Variants in COL24A1 observed in about 807,000 individuals in gnomAD.
COL24A1 encodes the protein collagen type XXIV alpha 1 chain, also known as collagen alpha-1(XXIV) chain.
COL24A1 carries 224 observed loss-of-function variants against 253.9 expected under a neutral mutation model. The ratio of observed to expected loss-of-function variants is 0.88; its 90% CI spans 0.79 to 0.99. The LOEUF (loss-of-function observed/expected upper bound fraction) is 0.99. Among genes scored for constraint, COL24A1 ranks in the 50% least tolerant of loss-of-function variants. COL24A1 has a pLI of 0.00. For synonymous variants in COL24A1, 685 were observed against 673.7 expected, an observed-to-expected ratio of 1.02 and a Z score of -0.26; for missense variants, 2,131 against 2,068.5, an observed-to-expected ratio of 1.03 and a Z score of -0.59.
At chr1:85,910,638 A>C (rs1571184387) in intron 25 of COL24A1, among the ~76,000 whole-genome samples, 2 of 152,000 alleles carry the variant, frequency 1.3e-5, no homozygotes, top group East Asian at 3.9e-4. Context: ...ATTTTGTTAC[A>C]TTGTTAGTAA....
chr1:85,812,263 A>C (rs1672628832), intron 47 of COL24A1, among the ~76,000 whole-genome samples: 1 of 152,234 alleles, frequency 6.6e-6, no homozygotes, highest in Non-Finnish European at 1.5e-5. Flanking sequence ...GTAAGCAAGC[A>C]ATTCAGATTT....
chr1:85,800,346 C>T lies in COL24A1; in HGVS notation c.3952-13885G>A, dbSNP rs144496893. On this transcript the variant is annotated intron_variant, in intron 47 of 59. Coordinates refer to ENST00000370571, the MANE Select transcript of COL24A1 (RefSeq NM_152890.7). Reference sequence around the variant, plus strand: ...ACTGTCCACTCTCTCTCCTCAGGAACGTCAATCCTATTCCTGCCCCCAACC... The same window carrying T: ...ACTGTCCACTCTCTCTCCTCAGGAATGTCAATCCTATTCCTGCCCCCAACC... Among the ~76,000 whole-genome samples, 92 of 152,292 alleles carry T rather than the reference C, an allele frequency of 6.0e-4. No homozygotes were observed. In the East Asian group the frequency reaches 0.01, roughly 17 times the overall value.
intron 7 of COL24A1, among the ~76,000 whole-genome samples, chr1:86,065,773 A>G (rs6666986): frequency 0.068 from 10,338 of 150,980 alleles, 610 homozygotes; most frequent in African/African-American, 0.16. Flanking sequence ...AAAAAAAAAA[A>G]AGAGAGAGAC....
intron 2 of COL24A1, 132 bp downstream of exon 2, chr1:86,145,987 T>C (rs1332860421): frequency 1.8e-5 from 11 of 605,148 alleles, no homozygotes; most frequent in Non-Finnish European, 2.7e-5. Context: ...TACATTCTCA[T>C]GGTACTGGGT....
chr1:85,946,811 G>A (rs1218382244), intron 24 of COL24A1, among the ~76,000 whole-genome samples: 1 of 152,098 alleles, frequency 6.6e-6, no homozygotes, highest in African/African-American at 2.4e-5. Context: ...ATTTTTATAT[G>A]GCAGTTTGTT....
chr1:86,092,256 C>G lies in COL24A1; in HGVS notation c.1653+11G>C. ...TATTACCATAATTTCATTTCATGGT[C>G]AAATAATTACCTTTTCTCCAGGAAC... On this transcript the variant is annotated intron_variant, in intron 6 of 59. Transcript: ENST00000370571. 1 of 1,579,388 alleles carries G rather than the reference C, an allele frequency of 6.3e-7. No homozygotes were observed. Among genetic ancestry groups the G allele is most frequent in the South Asian group, 1.1e-5 (1 of 87,904 alleles).
chr1:85,868,457 A>G (rs1680030481), intron 37 of COL24A1, 62 bp downstream of exon 37: 6 of 1,148,996 alleles, frequency 5.2e-6, no homozygotes, highest in Non-Finnish European at 7.9e-6. Flanking sequence ...AGGTTTGTGC[A>G]TGTGTACACA....
chr1:85,777,026 T>C (rs372155128), intron 52 of COL24A1, among the ~76,000 whole-genome samples: 56 of 152,082 alleles, frequency 3.7e-4, no homozygotes, highest in Middle Eastern at 3.4e-3. Context: ...CTCAGCTCAC[T>C]ACAACCTCCA....
intron 10 of COL24A1, among the ~76,000 whole-genome samples, chr1:86,052,797 A>T (rs1392807836): frequency 6.6e-6 from 1 of 152,068 alleles, no homozygotes; most frequent in East Asian, 1.9e-4. Context: ...CTCAAGAATC[A>T]TATCTAAGTT....
chr1:85,973,348 G>T (rs1692360005), intron 20 of COL24A1, among the ~76,000 whole-genome samples: 1 of 152,022 alleles, frequency 6.6e-6, no homozygotes, highest in South Asian at 2.1e-4. Context: ...ATGGCAGATG[G>T]TCCATTAAAA....
At chr1:85,798,384 G>A (rs184588128) in intron 47 of COL24A1, among the ~76,000 whole-genome samples, 3 of 152,008 alleles carry the variant, frequency 2.0e-5, no homozygotes, top group Admixed American at 1.3e-4. Flanking sequence ...GCGGGGTTGG[G>A]GGTCGGAGGG....
At chr1:86,076,585 C>A (rs1702264769) in intron 7 of COL24A1, among the ~76,000 whole-genome samples, 1 of 152,140 alleles carries the variant, frequency 6.6e-6, no homozygotes, top group Non-Finnish European at 1.5e-5. Context: ...ATGGCCTAGA[C>A]AACCCTAAGC....
At position 86,107,508 on chromosome 1, in the gene COL24A1, AATTTATTTATTTATTT is replaced by A. The variant is rs57193756; in HGVS notation, c.1599+5043_1599+5058del. ...TATGATACATTTGTGACACAATGGT[AATTTATTTATTTATTT>A]ATTTATTTATTTATTTATTTATTTA... On this transcript the variant is annotated intron_variant, in intron 5 of 59. Transcript: ENST00000370571. 2.1e-3 allele frequency among the ~76,000 whole-genome samples: 309 copies of A among 145,144 alleles called. 1 individual carries two copies. The highest frequency in any genetic ancestry group is 6.6e-3 in the African/African-American group (261 of 39,440).
intron 10 of COL24A1, among the ~76,000 whole-genome samples, chr1:86,055,649 G>T (rs1207868181): frequency 2.0e-5 from 3 of 152,066 alleles, no homozygotes; most frequent in Non-Finnish European, 2.9e-5. Flanking sequence ...AATAATTATA[G>T]AATCTATATA....
chr1:86,037,216 C>T (rs1414499327), intron 12 of COL24A1, among the ~76,000 whole-genome samples: 1 of 152,154 alleles, frequency 6.6e-6, no homozygotes, highest in Non-Finnish European at 1.5e-5. Flanking sequence ...TAAAGGATCT[C>T]CAAAGATTCC....
chr1:85,733,538 A>G (rs2100800634), intron 59 of COL24A1, among the ~76,000 whole-genome samples: 1 of 152,270 alleles, frequency 6.6e-6, no homozygotes, highest in Middle Eastern at 3.4e-3. Flanking sequence ...GCTCTAAGAA[A>G]TAGTGTTTTA....
At chr1:85,895,797 C>T (rs1480099035) in intron 31 of COL24A1, 61 bp downstream of exon 31, 4 of 1,345,880 alleles carry the variant, frequency 3.0e-6, no homozygotes, top group Non-Finnish European at 4.2e-6. Context: ...GTTTGAGCAG[C>T]CCCTTTCCCC....
chr1:85,912,109 T>A (rs1311961291), intron 24 of COL24A1, among the ~76,000 whole-genome samples: 1 of 152,168 alleles, frequency 6.6e-6, no homozygotes. Flanking sequence ...CAGGGAAGAC[T>A]GAGGCCTGAC....
intron 37 of COL24A1, 113 bp from the exon 38 acceptor site, chr1:85,849,519 G>A: frequency 2.4e-6 from 2 of 820,070 alleles, no homozygotes. Flanking sequence ...AAGTAAAAAT[G>A]AGGGTTAATT....
Sources: allele counts gnomAD v4.1 joint callset (sites outside exome capture counted in the v4.1 genomes callset), GRCh38; gene constraint gnomAD v4.1.1; transcripts MANE v1.5; gene names NCBI Gene and HGNC (gene_info 2026-07-23, HGNC 2026-07-21).